CIP2A: variants seen among roughly 807,000 people sequenced by gnomAD.
The protein encoded by CIP2A is cellular inhibitor of PP2A, also known as protein CIP2A.
Under a neutral mutation model 110.9 loss-of-function variants are expected in CIP2A, and 103 were observed. The ratio of observed to expected loss-of-function variants is 0.93; its 90% CI spans 0.79 to 1.09. CIP2A has a LOEUF of 1.09. Among genes scored for constraint, CIP2A ranks in the 50% least tolerant of loss-of-function variants. CIP2A has a pLI of 0.00. For missense variants in CIP2A, 1,088 were observed against 1,038.4 expected, an observed-to-expected ratio of 1.05 and a Z score of -0.66; for synonymous variants, 381 against 361.6, an observed-to-expected ratio of 1.05 and a Z score of -0.61.
Position 108,582,091 on chromosome 3 carries a change from T to A in CIP2A, c.452+17A>T. ...AACAAATAAACTATTTGGTTTTATG[T>A]TTGATTGCATACTCACATGTGATCT... On this transcript the variant is annotated intron_variant, in intron 4 of 20. Transcript: ENST00000295746. The A allele has an allele frequency of 8.8e-7, 1 of 1,142,106 alleles. No individual in the cohort carries two copies. The highest frequency in any genetic ancestry group is 1.3e-6 in the Non-Finnish European group (1 of 789,150). 70.7% of individuals were successfully genotyped at this position (1,142,106 alleles called of 1,614,324 possible).
In CIP2A at chr3:108,563,169, T is replaced by A. The variant is rs534633343; in HGVS notation, c.1591A>T (p.Ile531Leu). The A allele has an allele frequency of 6.2e-7, 1 of 1,612,850 alleles. No individual in the cohort carries two copies. The highest frequency in any genetic ancestry group is 1.3e-5 in the African/African-American group (1 of 74,958). Residue 531 changes from isoleucine (I) to leucine (L), a missense_variant, in exon 13 of 21, where the codon ATA (isoleucine) becomes TTA (leucine). By Grantham distance (5) the Ile-to-Leu change is conservative. Coordinates refer to ENST00000295746, the MANE Select transcript of CIP2A (RefSeq NM_020890.3). ...GGCAGTGGAGCAGCCTCCAATAATA[T>A]TCTCAGTCCAGACTGTACTTGTTCT... ...NREQVQSGLRILLEAAPLPDF... is the reference protein window; with the variant it reads ...NREQVQSGLRLLLEAAPLPDF...
intron 17 of CIP2A, among the ~76,000 whole-genome samples, chr3:108,554,734 C>T (rs1937727965): frequency 6.6e-6 from 1 of 152,160 alleles, no homozygotes; most frequent in Non-Finnish European, 1.5e-5. Flanking sequence ...GCATTAATCT[C>T]ATATTTATGG....
At chr3:108,560,937 T>C (rs901715899) in intron 13 of CIP2A, 96 bp from the exon 14 acceptor site, 4 of 670,010 alleles carry the variant, frequency 6.0e-6, no homozygotes, top group African/African-American at 1.9e-5. Flanking sequence ...GAATGGGTCC[T>C]TTTTTTGAAT....
At chr3:108,586,464 T>C (rs909398346) in intron 1 of CIP2A, among the ~76,000 whole-genome samples, 1 of 152,232 alleles carries the variant, frequency 6.6e-6, no homozygotes, top group Non-Finnish European at 1.5e-5. Flanking sequence ...GTCTAACATG[T>C]AATAATTATA....
In CIP2A at chr3:108,589,326, T is replaced by G; in HGVS notation, c.50A>C (p.Tyr17Ser). The G allele has an allele frequency of 1.9e-6, 3 of 1,614,120 alleles. No homozygotes were observed. The highest frequency in any genetic ancestry group is 2.5e-6 in the Non-Finnish European group (3 of 1,179,994). Reference sequence around the variant, plus strand: ...GTTCGCCTCTGACTTCACGGCTTTGTACTGACTGACAGTCAGGAGCAAGGA... The same window carrying G: ...GTTCGCCTCTGACTTCACGGCTTTGGACTGACTGACAGTCAGGAGCAAGGA... ...LKSLLLTVSQ[Y>S]KAVKSEANAT... is the part of the protein sequence containing the mutation. The change falls in exon 1 of 21, where the codon TAC becomes TCC. Residue 17 changes from tyrosine to serine, a missense_variant. Physicochemically the swap from Tyr to Ser is moderately radical, Grantham distance 144. Transcript: ENST00000295746.
intron 16 of CIP2A, 48 bp downstream of exon 16, chr3:108,559,709 A>G (rs1301944477): frequency 1.8e-6 from 2 of 1,093,024 alleles, no homozygotes; most frequent in African/African-American, 3.2e-5. Context: ...TGCATGTTTT[A>G]CTTATTAATT....
At chr3:108,556,885 T>C (rs1937820305) in intron 17 of CIP2A, among the ~76,000 whole-genome samples, 1 of 152,156 alleles carries the variant, frequency 6.6e-6, no homozygotes, top group African/African-American at 2.4e-5. Flanking sequence ...TGCCTAACTA[T>C]GCAGCAAGCA....
At chr3:108,563,658 G>C (rs996173790) in intron 12 of CIP2A, among the ~76,000 whole-genome samples, 36 of 151,954 alleles carry the variant, frequency 2.4e-4, no homozygotes, top group African/African-American at 8.7e-4. Flanking sequence ...AATTAAATTA[G>C]AACATTTAAA....
intron 16 of CIP2A, among the ~76,000 whole-genome samples, 187 bp from the exon 17 acceptor site, chr3:108,557,601 C>T (rs13317125): frequency 0.019 from 2,913 of 151,984 alleles, 105 homozygotes; most frequent in African/African-American, 0.067. Flanking sequence ...ATTTTTTTAA[C>T]TTAATACATT....
rs1576320062 is a variant in CIP2A, at chr3:108,583,584, A to G, written c.251-501T>C. ...AGAATGACAGTTACCAGAGGCTGGG[A>G]AGAATATGGGTGAGTGTGTGGTGAT... On this transcript the variant is annotated intron_variant, in intron 2 of 20. Coordinates refer to ENST00000295746, the MANE Select transcript of CIP2A (RefSeq NM_020890.3). Among the ~76,000 whole-genome samples, 6 of 152,214 alleles carry G rather than the reference A, an allele frequency of 3.9e-5. No individual in the cohort carries two copies. The South Asian group carries it at 1.2e-3, about 32-fold the overall frequency.
chr3:108,556,969 G>T (rs896467202), intron 17 of CIP2A, among the ~76,000 whole-genome samples: 4 of 152,150 alleles, frequency 2.6e-5, no homozygotes, highest in African/African-American at 9.7e-5. Context: ...TCTCCCAAAT[G>T]ACTGCTGACT....
At chr3:108,585,864 G>A in intron 1 of CIP2A, 1 of 441,006 alleles carries the variant, frequency 2.3e-6, no homozygotes. Flanking sequence ...TTACTTTCTT[G>A]TAATCTATAA....
At chr3:108,585,275 C>A in intron 1 of CIP2A, 63 bp from the exon 2 acceptor site, 1 of 1,446,948 alleles carries the variant, frequency 6.9e-7, no homozygotes, top group Non-Finnish European at 9.3e-7. Flanking sequence ...TTCTCCATTT[C>A]AAATAAAAAA....
Position 108,583,077 on chromosome 3 carries a change from T to C in CIP2A, c.257A>G (p.Asp86Gly), listed in dbSNP as rs1253624261. 4 of 1,576,426 alleles carry C rather than the reference T, an allele frequency of 2.5e-6. No individual in the cohort carries two copies. ...CTGAAGACAATCTCTGGTTTCAATGTCTACTGCTATAAGTTAAAATAAAAG... is the reference window on the plus strand; with the variant it reads ...CTGAAGACAATCTCTGGTTTCAATGCCTACTGCTATAAGTTAAAATAAAAG... Reference protein sequence around the residue: ...IIGLLSQLAVDIETRDCLQNT... With the variant: ...IIGLLSQLAVGIETRDCLQNT... Residue 86 changes from aspartate to glycine, a missense_variant, in exon 3 of 21, where the codon GAC becomes GGC. Physicochemically the swap from Asp to Gly is moderately conservative, Grantham distance 94. Transcript: ENST00000295746.
intron 3 of CIP2A, 61 bp from the exon 4 acceptor site, chr3:108,582,263 T>A: frequency 1.4e-6 from 1 of 701,206 alleles, no homozygotes; most frequent in Admixed American, 2.6e-5. Context: ...CTTAAAATAA[T>A]GGACTCTCAG....
In CIP2A at chr3:108,552,331, G is replaced by GT; in HGVS notation, c.2449dup (p.Thr817AsnfsTer9). On this transcript the variant is annotated frameshift_variant, in exon 20 of 21. Transcript: ENST00000295746. LOFTEE classifies it high-confidence loss of function. ...CTTATCTTCCCTTTCCTTTTGTAAG[G>GT]TTTTAATCTTTTCTTCTTGTACTTT... 1 of 1,542,148 alleles carries GT rather than the reference G, an allele frequency of 6.5e-7. No individual in the cohort carries two copies. Among genetic ancestry groups the GT allele is most frequent in the Non-Finnish European group, 8.8e-7 (1 of 1,142,088 alleles).
In CIP2A at chr3:108,552,351, T is replaced by C. The variant is rs1458023176; in HGVS notation, c.2430A>G (p.Val810=). ...KLANLHQKTK[V]QEEKIKTLQK... ...GTAAGGTTTTAATCTTTTCTTCTTGTACTTTTGTTTTTTGATGCAAATCTT... is the reference window on the plus strand; with the variant it reads ...GTAAGGTTTTAATCTTTTCTTCTTGCACTTTTGTTTTTTGATGCAAATCTT... Residue 810 remains valine (V), a synonymous_variant, in exon 20 of 21, where the codon GTA becomes GTG. Coordinates refer to ENST00000295746, the MANE Select transcript of CIP2A (RefSeq NM_020890.3). 2.6e-6 allele frequency: 4 copies of C among 1,538,158 alleles called. No homozygotes were observed. The highest frequency in any genetic ancestry group is 3.5e-6 in the Non-Finnish European group (4 of 1,140,788).
Position 108,589,304 on chromosome 3 carries a change from C to T in CIP2A, c.72G>A (p.Ala24=). The T allele has an allele frequency of 1.2e-6, 2 of 1,614,024 alleles. No homozygotes were observed. The highest frequency in any genetic ancestry group is 1.7e-6 in the Non-Finnish European group (2 of 1,179,922). ...VSQYKAVKSE[A]NATQLLRHLE... is the part of the protein sequence containing the mutation. ...AGTGCCGCAAAAGCTGAGTGGCGTT[C>T]GCCTCTGACTTCACGGCTTTGTACT... The change falls in exon 1 of 21, where the codon GCG becomes GCA. Residue 24 remains alanine, a synonymous_variant. Transcript: ENST00000295746.
In CIP2A at chr3:108,551,199, T is replaced by C; in HGVS notation, c.2668A>G (p.Ser890Gly). 6.2e-7 allele frequency: 1 copy of C among 1,606,326 alleles called. No homozygotes were observed. ...GGATTTATTTTTCCACCACTTAAAC[T>C]GTGGATCATTGCTATCATGTGGGAG... ...KHSHMIAMIH[S>G]LSGGKINPET... is the part of the protein sequence containing the mutation. The change falls in exon 21 of 21, where the codon AGT becomes GGT. Residue 890 changes from serine to glycine, a missense_variant. Transcript: ENST00000295746.
Sources: allele counts gnomAD v4.1 joint callset (sites outside exome capture counted in the v4.1 genomes callset), GRCh38; gene constraint gnomAD v4.1.1; transcripts MANE v1.5; gene names NCBI Gene and HGNC (gene_info 2026-07-23, HGNC 2026-07-21).